PLD5: variants seen among roughly 807,000 people sequenced by gnomAD.
The protein encoded by PLD5 is inactive phospholipase D5.
PLD5 carries 36 observed loss-of-function variants against 61.1 expected under a neutral mutation model. The ratio of observed to expected loss-of-function variants is 0.59; its 90% CI spans 0.45 to 0.78. PLD5 has a LOEUF of 0.78. PLD5 is among the 30% of genes least tolerant of loss of function. PLD5 has a pLI of 0.00. For synonymous variants in PLD5, 243 were observed against 242.8 expected (o/e 1.00, Z -0.01); for missense variants, 515 against 644.4 (o/e 0.80, Z 2.17).
chr1:242,124,218 C>T (rs940095863), intron 6 of PLD5, among the ~76,000 whole-genome samples: 1 of 152,094 alleles, frequency 6.6e-6, no homozygotes, highest in Non-Finnish European at 1.5e-5. Flanking sequence ...CCATACCTAG[C>T]TTACAGGGTG....
intron 2 of PLD5, among the ~76,000 whole-genome samples, chr1:242,316,749 C>A (rs563231809): frequency 6.6e-6 from 1 of 152,128 alleles, no homozygotes; most frequent in Admixed American, 6.5e-5. Context: ...ATTTTTTCTG[C>A]TCCTCTCCCT....
chr1:242,374,494 C>A (rs138713629), intron 1 of PLD5, among the ~76,000 whole-genome samples: 2 of 152,264 alleles, frequency 1.3e-5, no homozygotes, highest in Non-Finnish European at 2.9e-5. Flanking sequence ...CAATACCATT[C>A]TCCCCCAGGG....
intron 2 of PLD5, among the ~76,000 whole-genome samples, chr1:242,297,694 C>T: frequency 7.0e-6 from 1 of 142,572 alleles, no homozygotes; most frequent in Non-Finnish European, 1.5e-5. Context: ...CTGCGGACTG[C>T]AGTGGCGCAA....
chr1:242,434,064 C>T (rs947756390), intron 1 of PLD5, among the ~76,000 whole-genome samples: 3 of 152,196 alleles, frequency 2.0e-5, no homozygotes, highest in Admixed American at 2.0e-4. Context: ...GAGGGATCTA[C>T]AAGATATACC....
intron 5 of PLD5, among the ~76,000 whole-genome samples, chr1:242,209,756 A>C (rs1351411109): frequency 6.6e-6 from 1 of 152,158 alleles, no homozygotes; most frequent in Non-Finnish European, 1.5e-5. Flanking sequence ...CTAAGTTTCA[A>C]GTTAAAGGAA....
At chr1:242,433,023 C>A (rs1289879426) in intron 1 of PLD5, among the ~76,000 whole-genome samples, 1 of 152,034 alleles carries the variant, frequency 6.6e-6, no homozygotes, top group Non-Finnish European at 1.5e-5. Flanking sequence ...AAAATGTCAA[C>A]CCTGTTTTCT....
rs1669381316 is a variant in PLD5 at position 242,524,418 on chromosome 1, G to GAGCC, written c.-143_-142insGGCT. On this transcript the variant is annotated 5_prime_UTR_variant, in exon 1 of 10. Coordinates refer to ENST00000536534, the MANE Select transcript of PLD5 (RefSeq NM_001372062.1). Reference sequence around the variant, plus strand: ...AGCTGGAGGAGCTGGAGGAGCGAGCGGGCGCGGGGAGCGCGGGGTGCTGAG... The same window carrying GAGCC: ...AGCTGGAGGAGCTGGAGGAGCGAGCGAGCCGGCGCGGGGAGCGCGGGGTGCTGAG... The GAGCC allele has an allele frequency of 2.4e-6, 2 of 827,886 alleles. No homozygotes were observed. The highest frequency in any genetic ancestry group is 3.5e-5 in the East Asian group (1 of 28,796). 51.3% of individuals were successfully genotyped at this position (827,886 alleles called of 1,614,324 possible). A position where few individuals can be genotyped will look rare whatever the true frequency, so the allele number is the denominator to read the frequency against.
intron 1 of PLD5, among the ~76,000 whole-genome samples, chr1:242,431,470 C>G (rs1665716320): frequency 6.6e-6 from 1 of 152,212 alleles, no homozygotes; most frequent in South Asian, 2.1e-4. Flanking sequence ...TAAGCTCTTC[C>G]TATTTCACTC....
chr1:242,475,552 G>T (rs921078352), intron 1 of PLD5, among the ~76,000 whole-genome samples: 1 of 151,636 alleles, frequency 6.6e-6, no homozygotes, highest in South Asian at 2.1e-4. Flanking sequence ...AAGATATCCC[G>T]CCCAAAACAG....
intron 1 of PLD5, among the ~76,000 whole-genome samples, chr1:242,483,365 T>C (rs1388194674): frequency 1.3e-5 from 2 of 151,998 alleles, no homozygotes; most frequent in Admixed American, 1.3e-4. Flanking sequence ...TGGAGGAAGA[T>C]CTACGAAGCA....
At chr1:242,099,892 C>T (rs1660555575) in intron 9 of PLD5, among the ~76,000 whole-genome samples, 1 of 151,964 alleles carries the variant, frequency 6.6e-6, no homozygotes, top group Non-Finnish European at 1.5e-5. Flanking sequence ...ATTTATGTAC[C>T]TTCTGATAGA....
At position 242,524,467 on chromosome 1, in the gene PLD5, C is replaced by A. The variant is rs1160158090; in HGVS notation, c.-191G>T. The A allele has an allele frequency of 8.9e-6, 2 of 225,404 alleles. No homozygotes were observed. The highest frequency in any genetic ancestry group is 2.7e-5 in the African/African-American group (1 of 37,282). The allele number at this position is 225,404 out of a possible 1,614,324, so 14.0% of individuals were successfully genotyped here. ...AGCGCCAGCTGGGAGCGCGGCCGGG[C>A]GGGAGGGGGCGATCGCGGGAGGCGC... On this transcript the variant is annotated 5_prime_UTR_variant, in exon 1 of 10. Transcript: ENST00000536534.
chr1:242,180,644 C>T (rs1368615594), intron 5 of PLD5, among the ~76,000 whole-genome samples: 1 of 152,100 alleles, frequency 6.6e-6, no homozygotes, highest in Non-Finnish European at 1.5e-5. Context: ...AAATTTCTGG[C>T]TCCAGAGTTT....
At chr1:242,220,724 A>AT (rs59739090) in intron 4 of PLD5, among the ~76,000 whole-genome samples, 4 of 145,284 alleles carry the variant, frequency 2.8e-5, no homozygotes, top group African/African-American at 1.0e-4. Context: ...ATTTTATTTT[A>AT]TTTTATTTTA....
At chr1:242,523,108 T>C (rs1180127156) in intron 1 of PLD5, among the ~76,000 whole-genome samples, 3 of 151,984 alleles carry the variant, frequency 2.0e-5, no homozygotes. Context: ...GAGTTCTTGG[T>C]CTTATCTTTT....
At chr1:242,094,671 A>G (rs1660087972) in intron 9 of PLD5, among the ~76,000 whole-genome samples, 3 of 152,176 alleles carry the variant, frequency 2.0e-5, no homozygotes, top group Admixed American at 2.0e-4. Context: ...AATGTATTAT[A>G]GAGGGAAGAA....
At position 242,394,914 on chromosome 1, in the gene PLD5, A is replaced by ATGAATATATG. The variant is rs1482607434; in HGVS notation, c.190-46673_190-46672insCATATATTCA. Among the ~76,000 whole-genome samples the ATGAATATATG allele has an allele frequency of 3.6e-3, 461 of 128,068 alleles. 29 individuals carry two copies. Among genetic ancestry groups the ATGAATATATG allele is most frequent in the African/African-American group, 0.013 (449 of 33,550 alleles). 84.0% of individuals were successfully genotyped at this position (128,068 alleles called of 152,430 possible). ...TATATATGATTATATATGAATATAT[A>ATGAATATATG]TGTATATATGTATACATTATATGAA... On this transcript the variant is annotated intron_variant, in intron 1 of 9. Coordinates refer to ENST00000536534, the MANE Select transcript of PLD5 (RefSeq NM_001372062.1).
intron 2 of PLD5, chr1:242,345,440 C>T (rs1660076447): frequency 1.8e-6 from 1 of 541,992 alleles, no homozygotes; most frequent in Non-Finnish European, 3.3e-6. Flanking sequence ...ATTTGAAGTG[C>T]TTAAAAAATG....
In PLD5 at chr1:242,385,135, T is replaced by C. The variant is rs372473412; in HGVS notation, c.190-36893A>G. ...GGAATACTTAATGACTATAAGTCAC[T>C]ATAAACAGTAAATAAATTAAAAATC... On this transcript the variant is annotated intron_variant, in intron 1 of 9. Coordinates refer to ENST00000536534, the MANE Select transcript of PLD5 (RefSeq NM_001372062.1). 1.1e-4 allele frequency among the ~76,000 whole-genome samples: 17 copies of C among 152,286 alleles called. No homozygotes were observed. In the East Asian group the frequency reaches 1.2e-3, roughly 10 times the overall value.
Sources: allele counts gnomAD v4.1 joint callset (sites outside exome capture counted in the v4.1 genomes callset), GRCh38; gene constraint gnomAD v4.1.1; transcripts MANE v1.5; gene names NCBI Gene and HGNC (gene_info 2026-07-23, HGNC 2026-07-21).